Variants in ARPC2 observed in about 807,000 individuals in gnomAD.
ARPC2 encodes actin related protein 2/3 complex subunit 2, also known as actin-related protein 2/3 complex subunit 2.
In ARPC2, 4 loss-of-function variants were observed where a neutral mutation model predicts 38.6. The ratio of observed to expected loss-of-function variants is 0.10; its 90% CI spans 0.05 to 0.24. The LOEUF is 0.24. Among genes scored for constraint, ARPC2 ranks in the 10% least tolerant of loss-of-function variants. The pLI, the probability that ARPC2 is intolerant of heterozygous loss-of-function variation, is 1.00. For synonymous variants in ARPC2, 125 were observed against 140.8 expected (o/e 0.89, Z 0.79); for missense variants, 229 against 387.3 (o/e 0.59, Z 3.43).
chr2:218,253,941 C>A lies in ARPC2; in HGVS notation c.*26C>A. 1 of 1,613,874 alleles carries A rather than the reference C, an allele frequency of 6.2e-7. No homozygotes were observed. Among genetic ancestry groups the A allele is most frequent in the Middle Eastern group, 1.7e-4 (1 of 5,994 alleles). ...TCTTGGGAATAAGAGGAGGAAGCGG[C>A]TGGCAACTGAAGGCTGGAACACTTG... On this transcript the variant is annotated 3_prime_UTR_variant, in exon 11 of 11. Coordinates refer to ENST00000315717, the MANE Select transcript of ARPC2 (RefSeq NM_152862.3).
chr2:218,245,644 G>T, intron 8 of ARPC2, 98 bp downstream of exon 8: 1 of 1,476,874 alleles, frequency 6.8e-7, no homozygotes, highest in Non-Finnish European at 9.2e-7. Flanking sequence ...TTTTAAGGTA[G>T]GCAAACGCAG....
intron 4 of ARPC2, among the ~76,000 whole-genome samples, chr2:218,231,198 T>G (rs757454894): frequency 2.1e-5 from 3 of 145,006 alleles, no homozygotes; most frequent in Non-Finnish European, 4.5e-5. Context: ...TGGTGATGAG[T>G]GATAGGTTGC....
Position 218,249,471 on chromosome 2 carries a change from G to T in ARPC2, c.777+7G>T. 2 of 1,582,282 alleles carry T rather than the reference G, an allele frequency of 1.3e-6. No individual in the cohort carries two copies. Among genetic ancestry groups the T allele is most frequent in the Non-Finnish European group, 1.7e-6 (2 of 1,158,064 alleles). Reference sequence around the variant, plus strand: ...CCACATCAAGTGCTCTAAGGTGAGGGGGGTGCCAGCATCTCAGCCTCTATG... The same window carrying T: ...CCACATCAAGTGCTCTAAGGTGAGGTGGGTGCCAGCATCTCAGCCTCTATG... On this transcript the variant is annotated splice_region_variant and intron_variant, in intron 9 of 10. Transcript: ENST00000315717.
chr2:218,227,434 G>GT (rs920394910), intron 3 of ARPC2, among the ~76,000 whole-genome samples: 1 of 151,956 alleles, frequency 6.6e-6, no homozygotes, highest in Non-Finnish European at 1.5e-5. Flanking sequence ...TATTTGTTTT[G>GT]TTTTTTTGAG....
chr2:218,234,219 C>G, intron 4 of ARPC2, 133 bp from the exon 5 acceptor site: 1 of 643,932 alleles, frequency 1.6e-6, no homozygotes, highest in Non-Finnish European at 2.6e-6. Flanking sequence ...TCTCTACTTT[C>G]CCATCCACCA....
At chr2:218,225,867 A>C in intron 2 of ARPC2, 53 bp from the exon 3 acceptor site, 2 of 1,586,412 alleles carry the variant, frequency 1.3e-6, no homozygotes, top group Middle Eastern at 1.7e-4. Flanking sequence ...TTCCCTTTGA[A>C]GGTAAGCAGC....
In ARPC2 at chr2:218,250,779, C is replaced by T. The variant is rs556010567; in HGVS notation, c.878+858C>T. ...TCCATCTTTGTGAAAGGTGCCAGAC[C>T]TTGGTTCTTCTGATGAAATTCAGGC... On this transcript the variant is annotated intron_variant, in intron 10 of 10. Coordinates refer to ENST00000315717, the MANE Select transcript of ARPC2 (RefSeq NM_152862.3). Among the ~76,000 whole-genome samples the T allele has an allele frequency of 1.8e-4, 27 of 152,200 alleles. No individual in the cohort carries two copies. The South Asian group carries it at 4.4e-3, about 25-fold the overall frequency.
intron 2 of ARPC2, 125 bp from the exon 3 acceptor site, chr2:218,225,795 G>A (rs1174700511): frequency 5.0e-6 from 4 of 807,024 alleles, no homozygotes; most frequent in South Asian, 4.5e-5. Flanking sequence ...ACTCTGATTG[G>A]CAGTAACCTA....
chr2:218,239,168 G>A (rs1240891656), intron 6 of ARPC2: 2 of 584,168 alleles, frequency 3.4e-6, no homozygotes. Flanking sequence ...ATATTTACAA[G>A]TCAATAAAAT....
rs768195488 is a variant in ARPC2, at chr2:218,254,023, C to G, written c.*108C>G. 6 of 1,478,052 alleles carry G rather than the reference C, an allele frequency of 4.1e-6. No individual in the cohort carries two copies. The highest frequency in any genetic ancestry group is 4.7e-6 in the Non-Finnish European group (5 of 1,070,370). The allele number at this position is 1,478,052 out of a possible 1,614,324, so 91.6% of individuals were successfully genotyped here. A position where few individuals can be genotyped will look rare whatever the true frequency, so the allele number is the denominator to read the frequency against. On this transcript the variant is annotated 3_prime_UTR_variant, in exon 11 of 11. Transcript: ENST00000315717. ...CCTCTTCAGGTTCTTAAGGGATTCT[C>G]CGTTTTGGTTCCATTTTGTACACGT...
chr2:218,246,965 C>CA (rs10608657), intron 8 of ARPC2, among the ~76,000 whole-genome samples: 11 of 150,608 alleles, frequency 7.3e-5, no homozygotes, highest in African/African-American at 9.7e-5. Context: ...GAGACTGTCT[C>CA]AAAAAAAAAG....
intron 7 of ARPC2, among the ~76,000 whole-genome samples, chr2:218,244,157 T>C (rs1689977468): frequency 6.6e-6 from 1 of 152,250 alleles, no homozygotes; most frequent in Admixed American, 6.5e-5. Context: ...TGGATATTTT[T>C]CCTTCGGGGA....
intron 10 of ARPC2, among the ~76,000 whole-genome samples, chr2:218,250,257 C>A (rs1377041885): frequency 6.6e-6 from 1 of 152,112 alleles, no homozygotes; most frequent in Non-Finnish European, 1.5e-5. Flanking sequence ...TGCTTAGGGA[C>A]CTTTAATTGG....
In ARPC2 at chr2:218,228,974, G is replaced by A. The variant is rs375920851; in HGVS notation, c.222+124G>A. On this transcript the variant is annotated intron_variant, in intron 4 of 10. Transcript: ENST00000315717. Reference sequence around the variant, plus strand: ...TGACTACTTGCTCACCTAACTAGGGGCTCTTGACTTGATTCCTATAATGAA... The same window carrying A: ...TGACTACTTGCTCACCTAACTAGGGACTCTTGACTTGATTCCTATAATGAA... 2.1e-5 allele frequency: 13 copies of A among 605,230 alleles called. No homozygotes were observed. The African/African-American group carries it at 2.4e-4, about 11-fold the overall frequency. The allele number at this position is 605,230 out of a possible 1,614,324, so 37.5% of individuals were successfully genotyped here.
At chr2:218,218,806 T>C (rs1446676440) in intron 2 of ARPC2, among the ~76,000 whole-genome samples, 1 of 152,228 alleles carries the variant, frequency 6.6e-6, no homozygotes, top group Non-Finnish European at 1.5e-5. Context: ...CCACAGATTT[T>C]ATCTGTAAAA....
At chr2:218,224,883 A>C (rs907695303) in intron 2 of ARPC2, among the ~76,000 whole-genome samples, 1 of 152,248 alleles carries the variant, frequency 6.6e-6, no homozygotes, top group African/African-American at 2.4e-5. Context: ...CTGGAGAGCA[A>C]CTTAGTCTTC....
intron 5 of ARPC2, among the ~76,000 whole-genome samples, chr2:218,237,925 C>CT (rs1174533952): frequency 1.3e-5 from 2 of 152,120 alleles, no homozygotes; most frequent in Non-Finnish European, 2.9e-5. Flanking sequence ...CTGTTCGACT[C>CT]AAAATAGAGT....
intron 7 of ARPC2, among the ~76,000 whole-genome samples, chr2:218,242,850 A>G (rs888676509): frequency 6.6e-6 from 1 of 152,212 alleles, no homozygotes; most frequent in African/African-American, 2.4e-5. Flanking sequence ...TTCTTTACAT[A>G]CTAGGGAGAG....
chr2:218,234,986 G>A (rs1275478268), intron 5 of ARPC2: 2 of 387,336 alleles, frequency 5.2e-6, no homozygotes, highest in Non-Finnish European at 5.2e-6. Context: ...TTTACCCTGT[G>A]ATTCAGTGGC....
Sources: gnomAD v4.1 joint callset for allele counts (sites outside exome capture counted in the v4.1 genomes callset) on GRCh38, gnomAD v4.1.1 for gene constraint, MANE v1.5 for transcripts, NCBI Gene and HGNC (gene_info 2026-07-23, HGNC 2026-07-21) for gene names.